The following TRMT1 variants were observed in gnomAD, a reference collection of about 807,000 sequenced individuals.
TRMT1 encodes the protein tRNA methyltransferase 1, also known as tRNA (guanine(26)-N(2))-dimethyltransferase.
A neutral mutation model predicts 75.4 loss-of-function variants in TRMT1; 63 were observed. That is an observed-to-expected ratio of 0.84 (90% CI 0.68 to 1.03). The LOEUF (loss-of-function observed/expected upper bound fraction) is 1.03, where lower values mean the gene tolerates loss of function less well. Among genes scored for constraint, TRMT1 ranks in the 50% least tolerant of loss-of-function variants. TRMT1 has a pLI of 0.00. For synonymous variants in TRMT1, 382 were observed against 358.1 expected, an observed-to-expected ratio of 1.07 and a Z score of -0.75; for missense variants, 870 against 905.3, an observed-to-expected ratio of 0.96 and a Z score of 0.50.
In TRMT1 at chr19:13,109,845, A is replaced by G. The variant is rs1301963405; in HGVS notation, c.1107-7T>C. The G allele has an allele frequency of 1.2e-6, 2 of 1,614,104 alleles. No homozygotes were observed. The highest frequency in any genetic ancestry group is 2.2e-5 in the East Asian group (1 of 44,870). On this transcript the variant is annotated splice_polypyrimidine_tract_variant and splice_region_variant and intron_variant, in intron 9 of 16. Transcript: ENST00000357720. ...GGCTGCAGAGAACTTGGCCCTAAAC[A>G]GAGAGGGGTGGTTGGTGGGGAGGGA...
At chr19:13,108,912 A>ATTTT (rs74181811) in intron 12 of TRMT1, among the ~76,000 whole-genome samples, 5 of 126,098 alleles carry the variant, frequency 4.0e-5, no homozygotes, top group South Asian at 2.5e-4. Context: ...GCCTGGCCTA[A>ATTTT]TTTTTTTTTT....
At chr19:13,109,342 G>T (rs530906419) in intron 12 of TRMT1, 39 bp downstream of exon 12, 1 of 1,610,112 alleles carries the variant, frequency 6.2e-7, no homozygotes, top group Admixed American at 1.7e-5. Context: ...GCCACCCTGT[G>T]GTCTGGGACA....
Position 13,107,780 on chromosome 19 carries a change from A to T in TRMT1, c.1477T>A (p.Ser493Thr). Residue 493 changes from serine (S) to threonine (T), a missense_variant, in exon 13 of 17, where the codon TCT becomes ACT. Coordinates refer to ENST00000357720, the MANE Select transcript of TRMT1 (RefSeq NM_001136035.4). ...KNAVKTDAPA[S>T]ALWDIMRCWE... ...CAACGCATGATGTCCCAGAGGGCAG[A>T]GGCAGGGGCATCCGTCTTCACAGCG... The T allele has an allele frequency of 6.4e-7, 1 of 1,553,082 alleles. No individual in the cohort carries two copies. Among genetic ancestry groups the T allele is most frequent in the Non-Finnish European group, 8.7e-7 (1 of 1,147,576 alleles).
Position 13,109,956 on chromosome 19 carries a change from G to A in TRMT1, c.1065C>T (p.His355=). The A allele has an allele frequency of 1.2e-6, 2 of 1,613,864 alleles. No homozygotes were observed. The highest frequency in any genetic ancestry group is 1.7e-6 in the Non-Finnish European group (2 of 1,179,956). ...VFQCVGCGAF[H]LQRLGKASGV... ...CTGACGCTTTGCCGAGACGCTGAAG[G>A]TGGAAGGCCCCGCAGCCCACACACT... Residue 355 remains histidine (H), a synonymous_variant, in exon 9 of 17, where the codon CAC becomes CAT. Coordinates refer to ENST00000357720, the MANE Select transcript of TRMT1 (RefSeq NM_001136035.4).
In TRMT1 at chr19:13,105,675, A is replaced by C. The variant is rs3815340; in HGVS notation, c.1584-69T>G. 11 of 1,470,126 alleles carry C rather than the reference A, an allele frequency of 7.5e-6. No individual in the cohort carries two copies. The East Asian group carries it at 2.5e-4, about 34-fold the overall frequency. The allele number at this position is 1,470,126 out of a possible 1,614,324, so 91.1% of individuals were successfully genotyped here. ...ACACGAGTGTGTCCCCACTCCCCAC[A>C]GGGCCTGTCCGCCTCCACAACACAG... On this transcript the variant is annotated intron_variant, in intron 14 of 16. Coordinates refer to ENST00000357720, the MANE Select transcript of TRMT1 (RefSeq NM_001136035.4).
chr19:13,107,945 G>A (rs546527684), intron 12 of TRMT1, 86 bp from the exon 13 acceptor site: 20 of 1,003,532 alleles, frequency 2.0e-5, no homozygotes, highest in East Asian at 5.3e-5. Context: ...GACTACCTTC[G>A]GCAAGGGCTC....
chr19:13,115,881 G>A lies in TRMT1; in HGVS notation c.311-113C>T, dbSNP rs756670509. 1.9e-5 allele frequency: 31 copies of A among 1,605,738 alleles called. No individual in the cohort carries two copies. In the African/African-American group the frequency reaches 3.1e-4, roughly 16 times the overall value. Reference sequence around the variant, plus strand: ...TCCCTGCGGAAAGGCTGAAGGAGCAGAACCCAGGGCCTGCTATGTGGCTGA... The same window carrying A: ...TCCCTGCGGAAAGGCTGAAGGAGCAAAACCCAGGGCCTGCTATGTGGCTGA... On this transcript the variant is annotated intron_variant, in intron 3 of 16. Transcript: ENST00000357720.
chr19:13,113,136 A>C (rs2019208356), intron 5 of TRMT1, 125 bp from the exon 6 acceptor site: 2 of 531,958 alleles, frequency 3.8e-6, no homozygotes, highest in Non-Finnish European at 6.3e-6. Flanking sequence ...CCCAAGTTCA[A>C]GTCCTGGCTC....
chr19:13,116,491 G>A, intron 1 of TRMT1, 60 bp from the exon 2 acceptor site: 2 of 1,500,506 alleles, frequency 1.3e-6, no homozygotes, highest in Non-Finnish European at 1.8e-6. Flanking sequence ...CCGGGCCCGG[G>A]GATGTCCTAC....
In TRMT1 at chr19:13,115,710, C is replaced by T. The variant is rs139884622; in HGVS notation, c.369G>A (p.Glu123=). ...QKVVVDLSEQ[E]EEKVELKESE... Reference sequence around the variant, plus strand: ...TCTCTTTCAGTTCAACCTTTTCCTCCTCTTGCTCTGACAAGTCCACGACCA... The same window carrying T: ...TCTCTTTCAGTTCAACCTTTTCCTCTTCTTGCTCTGACAAGTCCACGACCA... Residue 123 remains glutamate (E), a synonymous_variant, in exon 4 of 17, where the codon GAG becomes GAA. Coordinates refer to ENST00000357720, the MANE Select transcript of TRMT1 (RefSeq NM_001136035.4). 5.0e-6 allele frequency: 8 copies of T among 1,614,000 alleles called. No individual in the cohort carries two copies. Among genetic ancestry groups the T allele is most frequent in the Non-Finnish European group, 5.9e-6 (7 of 1,180,044 alleles).
In TRMT1 at chr19:13,109,762, G is replaced by GC; in HGVS notation, c.1176+6dup. 6.2e-7 allele frequency: 1 copy of GC among 1,614,094 alleles called. No individual in the cohort carries two copies. Among genetic ancestry groups the GC allele is most frequent in the South Asian group, 1.1e-5 (1 of 91,086 alleles). ...TTGCTCCTTTGCCTCCCCTGGCCTA[G>GC]CCCTACCTGGTGTCGTTGCCCACAG... is the stretch of plus-strand genomic sequence containing the variant. On this transcript the variant is annotated splice_region_variant and intron_variant, in intron 10 of 16. Transcript: ENST00000357720.
chr19:13,113,023 G>C lies in TRMT1; in HGVS notation c.642-12C>G. On this transcript the variant is annotated splice_polypyrimidine_tract_variant and intron_variant, in intron 5 of 16. Coordinates refer to ENST00000357720, the MANE Select transcript of TRMT1 (RefSeq NM_001136035.4). ...GGTACATCAGCATCCTGGGTGCAAA[G>C]AGGGCCAGGTCCTCAGCCTCCCACG... 1 of 1,600,132 alleles carries C rather than the reference G, an allele frequency of 6.2e-7. No individual in the cohort carries two copies. Among genetic ancestry groups the C allele is most frequent in the South Asian group, 1.1e-5 (1 of 89,022 alleles).
At chr19:13,107,980 CTTTTCT>C in intron 12 of TRMT1, 121 bp from the exon 13 acceptor site, 1 of 467,840 alleles carries the variant, frequency 2.1e-6, no homozygotes, top group Non-Finnish European at 3.7e-6. Context: ...CATTTCTTTT[CTTTTCT>C]TTTTTTTTTT....
chr19:13,109,369 A>G lies in TRMT1; in HGVS notation c.1397+12T>C, dbSNP rs778071369. The G allele has an allele frequency of 6.2e-7, 1 of 1,612,018 alleles. No individual in the cohort carries two copies. The highest frequency in any genetic ancestry group is 2.2e-5 in the East Asian group (1 of 44,860). ...TCTGGGACAGGCTCCTCCCGACCCC[A>G]GGGGCTCTTACCGCAACTGCAGGAG... On this transcript the variant is annotated intron_variant, in intron 12 of 16. Transcript: ENST00000357720.
chr19:13,109,489 C>T (rs759415660), intron 11 of TRMT1, 23 bp from the exon 12 acceptor site: 1 of 1,614,026 alleles, frequency 6.2e-7, no homozygotes, highest in South Asian at 1.1e-5. Context: ...ACAGGATGGG[C>T]ATGAGTGGAG....
chr19:13,109,308 T>C, intron 12 of TRMT1, 73 bp downstream of exon 12: 1 of 1,556,856 alleles, frequency 6.4e-7, no homozygotes, highest in Non-Finnish European at 8.8e-7. Flanking sequence ...GTTCTATGCA[T>C]GAGAATCCCT....
chr19:13,112,578 G>T, intron 7 of TRMT1, 127 bp downstream of exon 7: 2 of 797,110 alleles, frequency 2.5e-6, no homozygotes, highest in East Asian at 2.5e-5. Context: ...TAACAGCCTG[G>T]GATGCATCTG....
intron 14 of TRMT1, among the ~76,000 whole-genome samples, 182 bp from the exon 15 acceptor site, chr19:13,105,788 C>T (rs1407451579): frequency 2.6e-5 from 4 of 152,138 alleles, no homozygotes; most frequent in African/African-American, 4.8e-5. Flanking sequence ...CGGCCAGGCA[C>T]GGTGGCTCAT....
intron 1 of TRMT1, 48 bp downstream of exon 1, chr19:13,116,605 C>T: frequency 2.8e-6 from 2 of 707,808 alleles, no homozygotes; most frequent in Non-Finnish European, 2.3e-6. Flanking sequence ...CTCGTGCAGG[C>T]CCGCCCCGAG....
Sources: allele counts gnomAD v4.1 joint callset (sites outside exome capture counted in the v4.1 genomes callset), GRCh38; gene constraint gnomAD v4.1.1; transcripts MANE v1.5; gene names NCBI Gene and HGNC (gene_info 2026-07-23, HGNC 2026-07-21).